TASP1: variants seen among roughly 807,000 people sequenced by gnomAD.
TASP1 encodes taspase 1, also known as threonine aspartase 1.
TASP1 carries 16 observed loss-of-function variants against 56.6 expected under a neutral mutation model. The ratio of observed to expected loss-of-function variants is 0.28; its 90% CI spans 0.19 to 0.43. The LOEUF (loss-of-function observed/expected upper bound fraction) is 0.43, where lower values mean the gene tolerates loss of function less well. Among genes scored for constraint, TASP1 ranks in the 20% least tolerant of loss-of-function variants. The pLI is 1.00. For synonymous variants in TASP1, 179 were observed against 184.2 expected, an observed-to-expected ratio of 0.97 and a Z score of 0.23; for missense variants, 393 against 511.6, an observed-to-expected ratio of 0.77 and a Z score of 2.24.
chr20:13,354,188 TGATAA>T, the TASP1 span, among the ~76,000 whole-genome samples: 1 of 151,432 alleles, frequency 6.6e-6, no homozygotes, highest in African/African-American at 2.4e-5. Context: ...TTTAAAAGAG[TGATAA>T]GATGAGAGTC....
intron 4 of TASP1, among the ~76,000 whole-genome samples, chr20:13,608,350 T>C (rs1413044606): frequency 6.6e-6 from 1 of 152,240 alleles, no homozygotes; most frequent in African/African-American, 2.4e-5. Flanking sequence ...AATTGGATGG[T>C]TAAAAGATTT....
chr20:13,385,865 G>T (rs1444387661), downstream of TASP1, among the ~76,000 whole-genome samples: 1 of 152,312 alleles, frequency 6.6e-6, no homozygotes, highest in Middle Eastern at 3.4e-3. Context: ...AACTTCTAGG[G>T]AGTGCTGATT....
At chr20:13,515,485 C>A (rs1321317335) in intron 10 of TASP1, among the ~76,000 whole-genome samples, 3 of 149,696 alleles carry the variant, frequency 2.0e-5, no homozygotes, top group Non-Finnish European at 4.4e-5. Context: ...TCCCAAGACT[C>A]ATCCCAGACC....
chr20:13,310,942 C>T, the TASP1 span, among the ~76,000 whole-genome samples: 6 of 152,132 alleles, frequency 3.9e-5, no homozygotes, highest in Non-Finnish European at 5.9e-5. Context: ...GCCTGTAATC[C>T]CAGCACTTTG....
chr20:13,371,896 C>A, the TASP1 span, among the ~76,000 whole-genome samples: 4 of 151,964 alleles, frequency 2.6e-5, no homozygotes, highest in Non-Finnish European at 1.5e-5. Flanking sequence ...ACATTGTATG[C>A]CCTTTTTATC....
chr20:13,223,024 G>A, the TASP1 span, among the ~76,000 whole-genome samples: 1 of 152,086 alleles, frequency 6.6e-6, no homozygotes, highest in African/African-American at 2.4e-5. Context: ...TTAGCTGGGC[G>A]TGGTGGCGCA....
the TASP1 span, among the ~76,000 whole-genome samples, chr20:13,125,056 G>A: frequency 6.6e-6 from 1 of 150,964 alleles, no homozygotes; most frequent in Non-Finnish European, 1.5e-5. Flanking sequence ...CAGCCCATTA[G>A]CTTTTCTGCA....
chr20:13,225,145 G>A, the TASP1 span, among the ~76,000 whole-genome samples: 476 of 152,034 alleles, frequency 3.1e-3, 3 homozygotes, highest in East Asian at 0.017. Context: ...GAGCCACCGC[G>A]CCCGGCCCAT....
intron 13 of TASP1, among the ~76,000 whole-genome samples, chr20:13,405,704 G>A (rs1192080899): frequency 5.4e-5 from 8 of 149,056 alleles, no homozygotes; most frequent in Non-Finnish European, 1.0e-4. Context: ...GTGCCACCAT[G>A]CCCAGCTAAT....
the TASP1 span, among the ~76,000 whole-genome samples, chr20:13,277,531 T>C: frequency 6.6e-6 from 1 of 152,230 alleles, no homozygotes; most frequent in African/African-American, 2.4e-5. Context: ...CTTGTCTTTC[T>C]GAGCTTCTGT....
chr20:13,476,010 T>G (rs866671797), intron 11 of TASP1, among the ~76,000 whole-genome samples: 3 of 151,994 alleles, frequency 2.0e-5, no homozygotes, highest in African/African-American at 7.2e-5. Context: ...TCCCAGCTAC[T>G]TGGGAGGCTG....
chr20:13,381,849 T>C, the TASP1 span, among the ~76,000 whole-genome samples: 2 of 152,240 alleles, frequency 1.3e-5, no homozygotes, highest in Admixed American at 6.5e-5. Flanking sequence ...ATCTGATTTA[T>C]ACATGATTTG....
At chr20:13,321,588 A>T in the TASP1 span, among the ~76,000 whole-genome samples, 17 of 152,188 alleles carry the variant, frequency 1.1e-4, no homozygotes, top group African/African-American at 4.1e-4. Flanking sequence ...GCCTGAGCAC[A>T]GGGACGTGGT....
At chr20:13,154,516 C>T in the TASP1 span, among the ~76,000 whole-genome samples, 1 of 152,280 alleles carries the variant, frequency 6.6e-6, no homozygotes, top group South Asian at 2.1e-4. Flanking sequence ...TGTGATCAGG[C>T]TCTGTGCTTT....
chr20:13,579,387 G>C (rs1402142977), intron 6 of TASP1, among the ~76,000 whole-genome samples: 1 of 125,824 alleles, frequency 7.9e-6, no homozygotes, highest in African/African-American at 3.0e-5. Flanking sequence ...TTTTTTTTTT[G>C]AGACGGAGTC....
intron 13 of TASP1, among the ~76,000 whole-genome samples, chr20:13,412,426 C>T (rs1440225560): frequency 6.6e-6 from 1 of 152,134 alleles, no homozygotes; most frequent in Non-Finnish European, 1.5e-5. Flanking sequence ...TCTCTGGATA[C>T]TTTTTAAAAA....
chr20:13,561,973 C>T (rs925477867), intron 7 of TASP1, among the ~76,000 whole-genome samples: 4 of 152,074 alleles, frequency 2.6e-5, no homozygotes, highest in East Asian at 1.9e-4. Context: ...ACACTATATT[C>T]GACAACAGAA....
At chr20:13,299,403 G>C in the TASP1 span, 5 of 1,612,514 alleles carry the variant, frequency 3.1e-6, no homozygotes, top group East Asian at 6.7e-5. This position sits in a 1 kb window ranked among gnomAD's most constrained non-coding sequence, Gnocchi z 5.8. Context: ...GAAGTGCACA[G>C]AGAGCCCCTC....
chr20:13,117,604 TGGGCCCAACCGGCCGG>T, the TASP1 span: 1 of 1,610,086 alleles, frequency 6.2e-7, no homozygotes, highest in Non-Finnish European at 8.5e-7. Flanking sequence ...ATTGGGGCCG[TGGGCCCAACCGGCCGG>T]GGTGTCACGG....
Sources: gnomAD v4.1 joint callset for allele counts (sites outside exome capture counted in the v4.1 genomes callset) on GRCh38, gnomAD v4.1.1 for gene constraint, Gnocchi (gnomAD v3.1) non-coding constraint, MANE v1.5 for transcripts, NCBI Gene and HGNC (gene_info 2026-07-23, HGNC 2026-07-21) for gene names.